Variants in SEL1L3 observed in about 807,000 individuals in gnomAD.
SEL1L3 encodes the protein SEL1L family member 3, also known as protein sel-1 homolog 3.
SEL1L3 carries 76 observed loss-of-function variants against 142.8 expected under a neutral mutation model. The ratio of observed to expected loss-of-function variants is 0.53; its 90% confidence interval spans 0.44 to 0.64. The LOEUF (loss-of-function observed/expected upper bound fraction) is 0.64, where lower values mean the gene tolerates loss of function less well. SEL1L3 is among the 30% of genes least tolerant of loss of function. SEL1L3 has a pLI of 0.00. For synonymous variants in SEL1L3, 504 were observed against 519.6 expected (o/e 0.97, Z 0.41); for missense variants, 1,262 against 1,381.7 (o/e 0.91, Z 1.37).
At position 25,788,094 on chromosome 4, in the gene SEL1L3, T is replaced by C; in HGVS notation, c.2217+130A>G. The C allele has an allele frequency of 1.2e-6, 1 of 852,280 alleles. No homozygotes were observed. Among genetic ancestry groups the C allele is most frequent in the Non-Finnish European group, 1.9e-6 (1 of 538,480 alleles). The allele number at this position is 852,280 out of a possible 1,614,324, so 52.8% of individuals were successfully genotyped here. On this transcript the variant is annotated intron_variant, in intron 13 of 23. Transcript: ENST00000399878. This position sits in a 1 kb window ranked among gnomAD's most constrained non-coding sequence, Gnocchi z 5.3. Reference sequence around the variant, plus strand: ...CCTTTTTAGCCAACATTCTTTTCCATCAAGAGTGACAGAAGCATATACTAA... The same window carrying C: ...CCTTTTTAGCCAACATTCTTTTCCACCAAGAGTGACAGAAGCATATACTAA...
At chr4:25,793,450 T>A (rs981265801) in intron 11 of SEL1L3, among the ~76,000 whole-genome samples, 1 of 151,456 alleles carries the variant, frequency 6.6e-6, no homozygotes, top group Non-Finnish European at 1.5e-5. Context: ...AGCCCAGCTA[T>A]TTTTTTTGTA....
In SEL1L3 at chr4:25,756,408, G is replaced by T. The variant is rs377220861; in HGVS notation, c.3259+1126C>A. 1.1e-5 allele frequency: 11 copies of T among 984,892 alleles called. No individual in the cohort carries two copies. The Admixed American group carries it at 2.5e-4, about 22-fold the overall frequency. The allele number at this position is 984,892 out of a possible 1,614,324, so 61.0% of individuals were successfully genotyped here. ...TGTAAGAGCTAACATTTATTGAGAA[G>T]GTTTTATATGCCAGATAAATATAAC... On this transcript the variant is annotated intron_variant, in intron 23 of 23. Transcript: ENST00000399878.
chr4:25,786,736 G>A (rs1023258341), intron 13 of SEL1L3, among the ~76,000 whole-genome samples: 1 of 152,154 alleles, frequency 6.6e-6, no homozygotes, highest in Non-Finnish European at 1.5e-5. Flanking sequence ...TGGAATGGAT[G>A]CTTATTGAAC....
At chr4:25,789,584 C>CAAAAAAAAAAAAAAAAAA (rs55852462) in intron 12 of SEL1L3, among the ~76,000 whole-genome samples, 1 of 124,764 alleles carries the variant, frequency 8.0e-6, no homozygotes, top group Non-Finnish European at 1.7e-5. Context: ...GACCCTGAAT[C>CAAAAAAAAAAAAAAAAAA]AAAAAAAAAA....
At chr4:25,787,465 CA>C (rs769890982) in intron 13 of SEL1L3, among the ~76,000 whole-genome samples, 53 of 152,254 alleles carry the variant, frequency 3.5e-4, no homozygotes, top group Non-Finnish European at 6.8e-4. Flanking sequence ...GGATTACAGG[CA>C]CAGCCACCAC....
chr4:25,753,507 A>C (rs1209933381), intron 23 of SEL1L3, among the ~76,000 whole-genome samples: 1 of 152,168 alleles, frequency 6.6e-6, no homozygotes, highest in Admixed American at 6.5e-5. Context: ...GTCTTCCCCC[A>C]GCTGTGGGGC....
At chr4:25,730,483 A>T in the SEL1L3 span, among the ~76,000 whole-genome samples, 25,293 of 152,016 alleles carry the variant, frequency 0.17, 2,961 homozygotes, top group African/African-American at 0.34. Flanking sequence ...GTAAAATGCC[A>T]TCTCTCTCAG....
At chr4:25,863,121 G>A (rs2109337101), upstream of SEL1L3, 1 of 153,820 alleles carries the variant, frequency 6.5e-6, no homozygotes, top group East Asian at 1.9e-4. Context: ...TGGCCCCCGG[G>A]CTTCCACCCC....
the SEL1L3 span, among the ~76,000 whole-genome samples, chr4:25,732,085 A>G: frequency 6.6e-6 from 1 of 151,992 alleles, no homozygotes; most frequent in Non-Finnish European, 1.5e-5. Flanking sequence ...GGAAGGAAGG[A>G]AGGAAGGGAG....
At chr4:25,723,050 T>G in the SEL1L3 span, among the ~76,000 whole-genome samples, 1 of 152,068 alleles carries the variant, frequency 6.6e-6, no homozygotes, top group African/African-American at 2.4e-5. Context: ...CAGTCCTTAA[T>G]GTGGGCAGAG....
At chr4:25,812,749 A>G (rs943966971) in intron 9 of SEL1L3, among the ~76,000 whole-genome samples, 1 of 150,146 alleles carries the variant, frequency 6.7e-6, no homozygotes, top group Non-Finnish European at 1.5e-5. Flanking sequence ...GCAGTGGCTC[A>G]TGCCTATAAT....
At chr4:25,717,588 C>T in the SEL1L3 span, among the ~76,000 whole-genome samples, 2 of 152,180 alleles carry the variant, frequency 1.3e-5, no homozygotes, top group African/African-American at 4.8e-5. Context: ...ATCACTTGAA[C>T]CCGGGAGGTG....
the SEL1L3 span, among the ~76,000 whole-genome samples, chr4:25,738,617 T>C: frequency 6.6e-6 from 1 of 152,200 alleles, no homozygotes; most frequent in East Asian, 1.9e-4. Context: ...CCAATAAACA[T>C]TCACCAATTC....
In SEL1L3 at chr4:25,821,322, T is replaced by C. The variant is rs1392728713; in HGVS notation, c.1290+674A>G. On this transcript the variant is annotated intron_variant, in intron 7 of 23. Transcript: ENST00000399878. The stretch of plus-strand genomic sequence containing the variant: ...GGTGAAGGGAATGACAGAATGTTTC[T>C]CTTTCAGGTATCAGGTGGGGTTCTT... Among the ~76,000 whole-genome samples the C allele has an allele frequency of 2.6e-5, 4 of 152,338 alleles. No individual in the cohort carries two copies. In the East Asian group the frequency reaches 5.8e-4, roughly 22 times the overall value.
At chr4:25,842,831 C>T (rs1459400748) in intron 2 of SEL1L3, among the ~76,000 whole-genome samples, 1 of 152,228 alleles carries the variant, frequency 6.6e-6, no homozygotes. Context: ...AGGAAATAGG[C>T]ACATAGGCAA....
Position 25,846,869 on chromosome 4 carries a change from C to T in SEL1L3, c.733+425G>A, listed in dbSNP as rs1387742466. Among the ~76,000 whole-genome samples, 3 of 143,244 alleles carry T rather than the reference C, an allele frequency of 2.1e-5. No homozygotes were observed. In the South Asian group the frequency reaches 6.8e-4, roughly 32 times the overall value. The allele number at this position is 143,244 out of a possible 152,430, so 94.0% of individuals were successfully genotyped here. A position where few individuals can be genotyped will look rare whatever the true frequency, so the allele number is the denominator to read the frequency against. ...GGTTGCAGTGAGCCGAGTGAGATCTCGCCACTGCACTCCAGCCTGGGCAAC... is the reference window on the plus strand; with the variant it reads ...GGTTGCAGTGAGCCGAGTGAGATCTTGCCACTGCACTCCAGCCTGGGCAAC... On this transcript the variant is annotated intron_variant, in intron 2 of 23. Coordinates refer to ENST00000399878, the MANE Select transcript of SEL1L3 (RefSeq NM_015187.5).
At position 25,782,188 on chromosome 4, in the gene SEL1L3, G is replaced by A. The variant is rs377118210; in HGVS notation, c.2457+54C>T. The A allele has an allele frequency of 2.0e-4, 303 of 1,518,866 alleles. No individual in the cohort carries two copies. The Middle Eastern group carries it at 2.2e-3, about 11-fold the overall frequency. The allele number at this position is 1,518,866 out of a possible 1,614,324, so 94.1% of individuals were successfully genotyped here. On this transcript the variant is annotated intron_variant, in intron 15 of 23. Transcript: ENST00000399878. ...TGCACACAGTGTACCTTCAACAAAT[G>A]CTTCATGATCAAGTGACTGACTAGT...
At chr4:25,851,000 G>A (rs556881958) in intron 1 of SEL1L3, among the ~76,000 whole-genome samples, 3 of 152,128 alleles carry the variant, frequency 2.0e-5, no homozygotes, top group African/African-American at 7.2e-5. Context: ...ACAGGCACCT[G>A]CCACCACACC....
At chr4:25,715,438 T>A in the SEL1L3 span, among the ~76,000 whole-genome samples, 2 of 152,194 alleles carry the variant, frequency 1.3e-5, no homozygotes, top group Admixed American at 1.3e-4. Flanking sequence ...TATGTTATTG[T>A]CCATGGTAGA....
Sources: gnomAD v4.1 joint callset for allele counts (sites outside exome capture counted in the v4.1 genomes callset) on GRCh38, gnomAD v4.1.1 for gene constraint, Gnocchi (gnomAD v3.1) non-coding constraint, MANE v1.5 for transcripts, NCBI Gene and HGNC (gene_info 2026-07-23, HGNC 2026-07-21) for gene names.